The following PCDH15 variants were observed in gnomAD, a reference collection of about 807,000 sequenced individuals.
PCDH15 encodes protocadherin related 15, also known as protocadherin-15.
In PCDH15, 129 loss-of-function variants were observed where a neutral mutation model predicts 178.5. That is an observed-to-expected ratio of 0.72 (90% confidence interval 0.63 to 0.84). The LOEUF is 0.84. PCDH15 is among the 40% of genes least tolerant of loss of function. PCDH15 has a pLI of 0.00. For synonymous variants in PCDH15, 800 were observed against 732.0 expected, an observed-to-expected ratio of 1.09 and a Z score of -1.50; for missense variants, 2,230 against 2,099.9, an observed-to-expected ratio of 1.06 and a Z score of -1.21.
At chr10:55,429,942 C>T (rs1299088165) in intron 2 of PCDH15, among the ~76,000 whole-genome samples, 1 of 152,096 alleles carries the variant, frequency 6.6e-6, no homozygotes, top group Non-Finnish European at 1.5e-5. Context: ...TCAACCTTTT[C>T]TATGATGAAT....
At chr10:55,029,236 T>C (rs1840551096) in intron 2 of PCDH15, among the ~76,000 whole-genome samples, 1 of 152,040 alleles carries the variant, frequency 6.6e-6, no homozygotes, top group Admixed American at 6.6e-5. Context: ...AGGATAAGAA[T>C]GTTAGGTTGT....
intron 1 of PCDH15, among the ~76,000 whole-genome samples, chr10:54,755,085 A>T (rs1428404442): frequency 1.3e-5 from 2 of 151,360 alleles, no homozygotes; most frequent in Non-Finnish European, 2.9e-5. Context: ...GTCCCTTGCC[A>T]TCACACCTGG....
intron 25 of PCDH15, among the ~76,000 whole-genome samples, chr10:53,910,561 C>A (rs1243810013): frequency 6.6e-6 from 1 of 152,100 alleles, no homozygotes; most frequent in Non-Finnish European, 1.5e-5. Context: ...GGGAAGAAAC[C>A]AGAGCAGAAA....
chr10:54,088,112 C>A (rs1204826195), intron 16 of PCDH15, among the ~76,000 whole-genome samples: 1 of 152,180 alleles, frequency 6.6e-6, no homozygotes, highest in Non-Finnish European at 1.5e-5. Flanking sequence ...CAGTCTCAAG[C>A]ACTTCTTTAT....
chr10:54,213,820 A>G, intron 10 of PCDH15, 116 bp downstream of exon 10: 1 of 649,886 alleles, frequency 1.5e-6, no homozygotes. Flanking sequence ...AAATTGACTG[A>G]CTGCTGTCCA....
intron 14 of PCDH15, among the ~76,000 whole-genome samples, chr10:54,135,205 A>G (rs953108849): frequency 1.4e-5 from 2 of 146,676 alleles, no homozygotes; most frequent in East Asian, 1.9e-4. Flanking sequence ...TCTGTCTCAA[A>G]AAAAAAAAAA....
At chr10:54,428,643 T>C (rs1030423968) in intron 3 of PCDH15, among the ~76,000 whole-genome samples, 1 of 151,912 alleles carries the variant, frequency 6.6e-6, no homozygotes, top group African/African-American at 2.4e-5. Flanking sequence ...CATTCGATAA[T>C]CATACTCCCA....
At chr10:54,982,486 G>T (rs1839261359) in intron 2 of PCDH15, among the ~76,000 whole-genome samples, 4 of 152,062 alleles carry the variant, frequency 2.6e-5, no homozygotes, top group African/African-American at 7.2e-5. Flanking sequence ...TGCATAGGTA[G>T]GAATTATAGG....
At chr10:53,818,127 T>A (rs761746721) in intron 33 of PCDH15, 114 bp from the exon 34 acceptor site, 1 of 393,652 alleles carries the variant, frequency 2.5e-6, no homozygotes, top group Admixed American at 4.4e-5. Context: ...GAGAAGACAA[T>A]TTCTACTAAA....
At chr10:53,933,972 C>T (rs1270524315) in intron 25 of PCDH15, among the ~76,000 whole-genome samples, 1 of 152,112 alleles carries the variant, frequency 6.6e-6, no homozygotes, top group African/African-American at 2.4e-5. Context: ...TAAATATCTT[C>T]TTTTGAGAAG....
intron 2 of PCDH15, among the ~76,000 whole-genome samples, chr10:55,403,206 T>C (rs1261578683): frequency 6.6e-6 from 1 of 151,848 alleles, no homozygotes; most frequent in Non-Finnish European, 1.5e-5. Flanking sequence ...TGTGGGCTTT[T>C]TTATTTTTAT....
At chr10:55,241,214 TCAAAAA>T (rs888760266) in intron 1 of PCDH15, among the ~76,000 whole-genome samples, 2 of 152,098 alleles carry the variant, frequency 1.3e-5, no homozygotes, top group African/African-American at 4.8e-5. Flanking sequence ...AGACTCCATG[TCAAAAA>T]CAAACAAACA....
intron 2 of PCDH15, among the ~76,000 whole-genome samples, chr10:54,573,143 A>C (rs11004392): frequency 1.3e-5 from 2 of 151,986 alleles, no homozygotes; most frequent in African/African-American, 4.8e-5. Flanking sequence ...TTTTCTATCA[A>C]TTTCAGGAGT....
chr10:55,474,155 T>A (rs984380333), intron 2 of PCDH15, among the ~76,000 whole-genome samples: 2 of 152,136 alleles, frequency 1.3e-5, no homozygotes, highest in Admixed American at 6.5e-5. Context: ...TGTGTGTGCA[T>A]TAACTATGAA....
intron 3 of PCDH15, among the ~76,000 whole-genome samples, chr10:54,444,387 A>T (rs1014006878): frequency 2.0e-5 from 3 of 151,692 alleles, no homozygotes; most frequent in African/African-American, 7.3e-5. Context: ...TTGTAGACAC[A>T]CTCACGGATG....
intron 2 of PCDH15, among the ~76,000 whole-genome samples, chr10:54,654,065 A>G (rs892421799): frequency 6.6e-6 from 1 of 152,226 alleles, no homozygotes; most frequent in East Asian, 1.9e-4. Context: ...CATTGTGTGC[A>G]ATAGATCACT....
chr10:54,005,859 A>G (rs2092367162), intron 20 of PCDH15, among the ~76,000 whole-genome samples: 1 of 152,228 alleles, frequency 6.6e-6, no homozygotes, highest in South Asian at 2.1e-4. Context: ...CTGCACTCCC[A>G]TGTTTATTGC....
intron 1 of PCDH15, among the ~76,000 whole-genome samples, chr10:54,755,318 ATAAT>A (rs1241532791): frequency 1.3e-5 from 2 of 152,206 alleles, no homozygotes; most frequent in East Asian, 1.9e-4. Flanking sequence ...AGTACGGGAA[ATAAT>A]TAATATAATT....
chr10:53,941,280 T>A (rs2134078318), intron 23 of PCDH15, among the ~76,000 whole-genome samples: 1 of 152,288 alleles, frequency 6.6e-6, no homozygotes, highest in South Asian at 2.1e-4. Flanking sequence ...TAGTATCATA[T>A]AGGGTATTCT....
Sources: allele counts gnomAD v4.1 joint callset (sites outside exome capture counted in the v4.1 genomes callset), GRCh38; gene constraint gnomAD v4.1.1; transcripts MANE v1.5; gene names NCBI Gene and HGNC (gene_info 2026-07-23, HGNC 2026-07-21).